HMCN1: variants seen among roughly 807,000 people sequenced by gnomAD.
HMCN1 encodes the protein hemicentin 1.
HMCN1 carries 321 observed loss-of-function variants against 625.9 expected under a neutral mutation model. The observed-to-expected ratio is 0.51, with a 90% CI of 0.47 to 0.56. The LOEUF is 0.56. HMCN1 is among the 20% of genes least tolerant of loss of function. The pLI is 0.00. For synonymous variants in HMCN1, 2,425 were observed against 2,417.6 expected (o/e 1.00, Z -0.09); for missense variants, 6,588 against 6,887.3 (o/e 0.96, Z 1.54).
rs922678057 is a variant in HMCN1, at chr1:186,032,313, T to C, written c.5750-5621T>C. Among the ~76,000 whole-genome samples the C allele has an allele frequency of 2.0e-5, 3 of 151,990 alleles. No homozygotes were observed. The East Asian group carries it at 5.8e-4, about 29-fold the overall frequency. On this transcript the variant is annotated intron_variant, in intron 36 of 106. Coordinates refer to ENST00000271588, the MANE Select transcript of HMCN1 (RefSeq NM_031935.3). Reference sequence around the variant, plus strand: ...CCAACCTAATATATGAAAAAAAAACTCGACATCATTCATCATCAGGGAAAA... The same window carrying C: ...CCAACCTAATATATGAAAAAAAAACCCGACATCATTCATCATCAGGGAAAA...
chr1:186,000,542 G>GGTGTGTGT (rs1170943049), intron 26 of HMCN1, among the ~76,000 whole-genome samples: 2 of 127,244 alleles, frequency 1.6e-5, no homozygotes, highest in African/African-American at 6.7e-5. Context: ...CAGCGTGTAG[G>GGTGTGTGT]GTGTGTGTGT....
At chr1:185,794,577 G>A (rs984828485) in intron 1 of HMCN1, among the ~76,000 whole-genome samples, 2 of 150,710 alleles carry the variant, frequency 1.3e-5, no homozygotes, top group South Asian at 2.1e-4. Flanking sequence ...AGGCTGGGAG[G>A]CTAAGCCAGT....
intron 4 of HMCN1, among the ~76,000 whole-genome samples, chr1:185,892,670 T>G (rs1665190250): frequency 1.3e-5 from 2 of 152,030 alleles, no homozygotes. Flanking sequence ...CTGCCCGTTC[T>G]CAGATCTCCA....
intron 52 of HMCN1, among the ~76,000 whole-genome samples, chr1:186,072,018 A>AT (rs1457048263): frequency 6.6e-6 from 1 of 152,160 alleles, no homozygotes; most frequent in Non-Finnish European, 1.5e-5. Flanking sequence ...TGAAAATTTC[A>AT]TTATAAGTTG....
intron 89 of HMCN1, among the ~76,000 whole-genome samples, chr1:186,141,501 A>G (rs189347591): frequency 1.3e-5 from 2 of 152,300 alleles, no homozygotes; most frequent in African/African-American, 4.8e-5. Context: ...TTAAACTGCA[A>G]ATCTTTTTTA....
chr1:186,154,768 T>C (rs1459728407), intron 97 of HMCN1, among the ~76,000 whole-genome samples: 2 of 152,224 alleles, frequency 1.3e-5, no homozygotes, highest in African/African-American at 4.8e-5. Context: ...CTGGAAGTTA[T>C]AATTTTTTAA....
chr1:185,778,175 C>CTTAGTCAGTGAGGGATTCCTGACTCTTT (rs1656758689), intron 1 of HMCN1, among the ~76,000 whole-genome samples: 1 of 152,076 alleles, frequency 6.6e-6, no homozygotes, highest in Non-Finnish European at 1.5e-5. Flanking sequence ...CCCAGCAGCT[C>CTTAGTCAGTGAGGGATTCCTGACTCTTT]TTAGTCAGTG....
In HMCN1 at chr1:186,114,102, T is replaced by G. The variant is rs1025242770; in HGVS notation, c.11255T>G (p.Val3752Gly). The G allele has an allele frequency of 1.2e-6, 2 of 1,614,128 alleles. No individual in the cohort carries two copies. The highest frequency in any genetic ancestry group is 1.7e-5 in the Admixed American group (1 of 60,014). The change falls in exon 73 of 107, where the codon GTT becomes GGT. Residue 3752 changes from valine (V) to glycine (G), a missense_variant. Val to Gly is a moderately radical substitution (Grantham distance 109, BLOSUM62 -3). Coordinates refer to ENST00000271588, the MANE Select transcript of HMCN1 (RefSeq NM_031935.3). ...PRITWRKDGA[V>G]LAGNHARYSI... Reference sequence around the variant, plus strand: ...ATAACATGGAGAAAGGATGGAGCTGTTCTAGCTGGGAATCATGCAAGGTAA... The same window carrying G: ...ATAACATGGAGAAAGGATGGAGCTGGTCTAGCTGGGAATCATGCAAGGTAA...
chr1:185,874,999 A>T (rs1235217183), intron 4 of HMCN1, among the ~76,000 whole-genome samples: 1 of 151,890 alleles, frequency 6.6e-6, no homozygotes, highest in African/African-American at 2.4e-5. Flanking sequence ...TATAATGAAT[A>T]CAATAAATTT....
chr1:186,032,753 A>G (rs1655545689), intron 36 of HMCN1, among the ~76,000 whole-genome samples: 1 of 30,894 alleles, frequency 3.2e-5, no homozygotes, highest in East Asian at 1.1e-3. Context: ...AAAGAAAAAA[A>G]AAAAGAAAAA....
At chr1:186,156,777 A>G (rs575377436) in intron 97 of HMCN1, among the ~76,000 whole-genome samples, 3 of 152,334 alleles carry the variant, frequency 2.0e-5, no homozygotes, top group Non-Finnish European at 4.4e-5. Flanking sequence ...GCACAGCTAT[A>G]TAATAATAAC....
In HMCN1 at chr1:185,966,072, T is replaced by A. The variant is rs565682466; in HGVS notation, c.2212+157T>A. On this transcript the variant is annotated intron_variant, in intron 14 of 106. Transcript: ENST00000271588. ...GACAATAGTTCAAAATTCTCAACTC[T>A]GAATTTCAGGATTTGACATCTGGTA... Among the ~76,000 whole-genome samples, 5 of 152,268 alleles carry A rather than the reference T, an allele frequency of 3.3e-5. No individual in the cohort carries two copies. The South Asian group carries it at 1.0e-3, about 32-fold the overall frequency.
At position 186,081,197 on chromosome 1, in the gene HMCN1, C is replaced by A. The variant is rs756409713; in HGVS notation, c.8600-10C>A. 17 of 1,611,128 alleles carry A rather than the reference C, an allele frequency of 1.1e-5. No individual in the cohort carries two copies. The highest frequency in any genetic ancestry group is 1.3e-5 in the Non-Finnish European group (15 of 1,177,396). ...CCCATTTTTCTCCCTTTGTTGCAAT[C>A]CTTTGTTAGTGCCGCCAATTATCAA... On this transcript the variant is annotated splice_polypyrimidine_tract_variant and intron_variant, in intron 55 of 106. Coordinates refer to ENST00000271588, the MANE Select transcript of HMCN1 (RefSeq NM_031935.3).
chr1:186,009,828 T>A (rs1653878964), intron 30 of HMCN1, among the ~76,000 whole-genome samples: 1 of 152,176 alleles, frequency 6.6e-6, no homozygotes, highest in South Asian at 2.1e-4. Context: ...ATTTGTAAAC[T>A]GTGGTCCACA....
intron 93 of HMCN1, among the ~76,000 whole-genome samples, chr1:186,149,920 G>C (rs1178592637): frequency 6.6e-6 from 1 of 152,028 alleles, no homozygotes; most frequent in Non-Finnish European, 1.5e-5. Flanking sequence ...ATCTCATATG[G>C]GCATGGTTCA....
chr1:186,078,756 TCA>T lies in HMCN1; in HGVS notation c.8599+539_8599+540del, dbSNP rs546589816. Among the ~76,000 whole-genome samples, 460 of 152,284 alleles carry T rather than the reference TCA, an allele frequency of 3.0e-3. 2 individuals carry two copies. Among genetic ancestry groups the T allele is most frequent in the Non-Finnish European group, 3.7e-3 (250 of 68,030 alleles). Reference sequence around the variant, plus strand: ...GAATCACGTATCCATCCAGAGCCAATCACAGACAGCAAGAGGTTGCAATGTTC... The same window carrying T: ...GAATCACGTATCCATCCAGAGCCAATCAGACAGCAAGAGGTTGCAATGTTC... On this transcript the variant is annotated intron_variant, in intron 55 of 106. Coordinates refer to ENST00000271588, the MANE Select transcript of HMCN1 (RefSeq NM_031935.3).
At position 186,082,919 on chromosome 1, in the gene HMCN1, A is replaced by G. The variant is rs1427893656; in HGVS notation, c.8842A>G (p.Thr2948Ala). Residue 2948 changes from threonine to alanine, a missense_variant, in exon 57 of 107, where the codon ACA becomes GCA. Transcript: ENST00000271588. ...CAGGTATGTGTGTGTTGCTGAGAAC[A>G]CAGCTGGGAGTGCCAAAAAATATTT... ...IGRYVCVAEN[T>A]AGSAKKYFNL... is the part of the protein sequence containing the mutation. 2.5e-6 allele frequency: 4 copies of G among 1,596,290 alleles called. No homozygotes were observed. Among genetic ancestry groups the G allele is most frequent in the Non-Finnish European group, 2.6e-6 (3 of 1,170,284 alleles).
chr1:185,817,961 T>C (rs1173568016), intron 1 of HMCN1, among the ~76,000 whole-genome samples: 3 of 152,162 alleles, frequency 2.0e-5, no homozygotes, highest in Non-Finnish European at 4.4e-5. Context: ...ACTGTTTTCC[T>C]CTTTTATTCC....
At chr1:186,090,503 G>A (rs539565370) in intron 63 of HMCN1, among the ~76,000 whole-genome samples, 1 of 152,060 alleles carries the variant, frequency 6.6e-6, no homozygotes, top group African/African-American at 2.4e-5. Flanking sequence ...TGGCCAGAAA[G>A]GGTGATCATG....
Sources: allele counts gnomAD v4.1 joint callset (sites outside exome capture counted in the v4.1 genomes callset), GRCh38; gene constraint gnomAD v4.1.1; transcripts MANE v1.5; gene names NCBI Gene and HGNC (gene_info 2026-07-23, HGNC 2026-07-21).